The following AHCYL2 variants were observed in gnomAD, a reference collection of about 807,000 sequenced individuals.
AHCYL2 encodes adenosylhomocysteinase like 2.
A neutral mutation model predicts 81.4 loss-of-function variants in AHCYL2; 28 were observed. That is an observed-to-expected ratio of 0.34 (90% confidence interval 0.25 to 0.47). AHCYL2 has a LOEUF of 0.47. Ranked by LOEUF, AHCYL2 falls within the 20% of genes least tolerant of loss-of-function variation. AHCYL2 has a pLI of 1.00. For missense variants in AHCYL2, 551 were observed against 785.1 expected (o/e 0.70, Z 3.56); for synonymous variants, 272 against 290.2 (o/e 0.94, Z 0.64).
chr7:129,345,145 G>C (rs552045266), intron 1 of AHCYL2, among the ~76,000 whole-genome samples: 2 of 152,052 alleles, frequency 1.3e-5, no homozygotes, highest in Non-Finnish European at 2.9e-5. Context: ...ACAGAAAAAA[G>C]AAAAGAAAAA....
At chr7:129,286,820 A>G (rs1403522551) in intron 1 of AHCYL2, among the ~76,000 whole-genome samples, 3 of 152,212 alleles carry the variant, frequency 2.0e-5, no homozygotes, top group South Asian at 4.1e-4. Flanking sequence ...GGTTATATCT[A>G]TATCAATACT....
intron 1 of AHCYL2, among the ~76,000 whole-genome samples, chr7:129,353,360 C>T (rs1252762154): frequency 6.6e-6 from 1 of 152,114 alleles, no homozygotes. Flanking sequence ...TTTCTTACAT[C>T]AGGGGTTTTG....
chr7:129,319,059 A>G (rs1350644438), intron 1 of AHCYL2, among the ~76,000 whole-genome samples: 1 of 152,230 alleles, frequency 6.6e-6, no homozygotes, highest in African/African-American at 2.4e-5. Flanking sequence ...AAGAACTCTA[A>G]AAATCAGTGA....
intron 1 of AHCYL2, among the ~76,000 whole-genome samples, chr7:129,340,935 A>G (rs1003888413): frequency 2.0e-5 from 3 of 152,158 alleles, no homozygotes; most frequent in African/African-American, 7.2e-5. Context: ...TTTTGTATAT[A>G]TATCTGTGTC....
rs113834313 is a variant in AHCYL2, at chr7:129,409,655, G to T, written c.1366+109G>T. 3,592 of 925,796 alleles carry T rather than the reference G, an allele frequency of 3.9e-3. 93 individuals are homozygous for T. In the African/African-American group the frequency reaches 0.052, roughly 13 times the overall value. The allele number at this position is 925,796 out of a possible 1,614,324, so 57.3% of individuals were successfully genotyped here. A position where few individuals can be genotyped will look rare whatever the true frequency, so the allele number is the denominator to read the frequency against. ...AACCAAACTCTAAAAGCTAGAGAGA[G>T]ATAGTAGCCCACAAAGCCAGCCAGT... On this transcript the variant is annotated intron_variant, in intron 11 of 16. Coordinates refer to ENST00000325006, the MANE Select transcript of AHCYL2 (RefSeq NM_015328.4).
In AHCYL2 at chr7:129,368,092, G is replaced by A; in HGVS notation, c.364-11546G>A. 9.9e-7 allele frequency: 1 copy of A among 1,006,954 alleles called. No homozygotes were observed. Among genetic ancestry groups the A allele is most frequent in the South Asian group, 4.4e-5 (1 of 22,710 alleles). 62.4% of individuals were successfully genotyped at this position (1,006,954 alleles called of 1,614,324 possible). Reference sequence around the variant, plus strand: ...TCCAGTGACGTGTCCTGAAGGGTGGGAGAGAATTCACAAGTGCCTCACACA... The same window carrying A: ...TCCAGTGACGTGTCCTGAAGGGTGGAAGAGAATTCACAAGTGCCTCACACA... On this transcript the variant is annotated intron_variant, in intron 1 of 16. Transcript: ENST00000325006. The surrounding 1 kb of genome is among the most constrained non-coding windows in gnomAD (Gnocchi z 4.4).
intron 1 of AHCYL2, among the ~76,000 whole-genome samples, chr7:129,246,769 CT>C (rs1437955627): frequency 6.6e-6 from 1 of 152,174 alleles, no homozygotes; most frequent in East Asian, 1.9e-4. Context: ...AGTGCTGGGA[CT>C]ATAGTTGTGA....
At chr7:129,375,685 G>T in intron 1 of AHCYL2, 1 of 1,421,962 alleles carries the variant, frequency 7.0e-7, no homozygotes, top group Non-Finnish European at 9.1e-7. Flanking sequence ...ATTAAATTGG[G>T]GCTGTACTGC....
At chr7:129,340,505 T>C (rs1207218392) in intron 1 of AHCYL2, among the ~76,000 whole-genome samples, 2 of 150,896 alleles carry the variant, frequency 1.3e-5, no homozygotes, top group African/African-American at 4.9e-5. Context: ...GAGGCGGAAC[T>C]TGCAGTGAGC....
chr7:129,314,421 G>T (rs1381426575), intron 1 of AHCYL2, among the ~76,000 whole-genome samples: 3 of 152,158 alleles, frequency 2.0e-5, no homozygotes, highest in African/African-American at 7.2e-5. Flanking sequence ...CATTCAGGCT[G>T]TATACAAACT....
chr7:129,413,174 C>T (rs1315642593), intron 11 of AHCYL2, among the ~76,000 whole-genome samples: 1 of 135,950 alleles, frequency 7.4e-6, no homozygotes, highest in African/African-American at 2.9e-5. Flanking sequence ...AAGAGTCTTG[C>T]TCTGTCACCC....
rs1024524605 is a variant in AHCYL2 at position 129,282,846 on chromosome 7, A to G, written c.363+57407A>G. On this transcript the variant is annotated intron_variant, in intron 1 of 16. Transcript: ENST00000325006. Reference sequence around the variant, plus strand: ...CCTTTCCTTAAGATTTGTTTCAAAAACATAGAGAGAAGAGGGGGAGAAAAA... The same window carrying G: ...CCTTTCCTTAAGATTTGTTTCAAAAGCATAGAGAGAAGAGGGGGAGAAAAA... Among the ~76,000 whole-genome samples, 11 of 152,208 alleles carry G rather than the reference A, an allele frequency of 7.2e-5. No individual in the cohort carries two copies. The East Asian group carries it at 9.6e-4, about 13-fold the overall frequency.
At chr7:129,312,584 C>T (rs1334287281) in intron 1 of AHCYL2, among the ~76,000 whole-genome samples, 5 of 152,062 alleles carry the variant, frequency 3.3e-5, no homozygotes, top group African/African-American at 1.2e-4. Flanking sequence ...CTGCTACACT[C>T]CTTCAGATCT....
intron 1 of AHCYL2, among the ~76,000 whole-genome samples, chr7:129,324,441 G>A (rs1179118233): frequency 6.6e-6 from 1 of 151,874 alleles, no homozygotes; most frequent in Admixed American, 6.6e-5. Context: ...CTTTGTTCTC[G>A]TTTTCTTCTT....
chr7:129,376,057 T>A, intron 1 of AHCYL2: 2 of 1,117,458 alleles, frequency 1.8e-6, no homozygotes, highest in South Asian at 1.5e-5. Context: ...GAGCTACCCC[T>A]CTTTTAACAG....
intron 1 of AHCYL2, among the ~76,000 whole-genome samples, chr7:129,233,625 C>T (rs1028046230): frequency 1.3e-5 from 2 of 152,182 alleles, no homozygotes; most frequent in Admixed American, 1.3e-4. Context: ...GTAGCTGGGA[C>T]TACAGGCACG....
At chr7:129,413,781 A>G (rs1796712428) in intron 12 of AHCYL2, 93 bp downstream of exon 12, 1 of 1,013,322 alleles carries the variant, frequency 9.9e-7, no homozygotes, top group South Asian at 1.3e-5. Context: ...AGCCATCCTA[A>G]ACATGACTAT....
intron 1 of AHCYL2, among the ~76,000 whole-genome samples, chr7:129,299,982 A>G (rs1290924405): frequency 1.3e-5 from 2 of 152,190 alleles, no homozygotes; most frequent in African/African-American, 4.8e-5. Context: ...AGAAAACTTG[A>G]AAAATTTTTT....
At chr7:129,290,711 A>T (rs1280748196) in intron 1 of AHCYL2, among the ~76,000 whole-genome samples, 6 of 151,880 alleles carry the variant, frequency 4.0e-5, no homozygotes, top group Admixed American at 1.3e-4. Flanking sequence ...CAGGTGGATC[A>T]TGAGGTCAGG....
Sources: allele counts gnomAD v4.1 joint callset (sites outside exome capture counted in the v4.1 genomes callset), GRCh38; gene constraint gnomAD v4.1.1; non-coding constraint Gnocchi (gnomAD v3.1); transcripts MANE v1.5; gene names NCBI Gene and HGNC (gene_info 2026-07-23, HGNC 2026-07-21).